CD2AP: variants seen among roughly 807,000 people sequenced by gnomAD.
CD2AP encodes the protein CD2 associated protein.
In CD2AP, 46 loss-of-function variants were observed where a neutral mutation model predicts 85.1. That is an observed-to-expected ratio of 0.54 (90% CI 0.43 to 0.69). The LOEUF is 0.69. CD2AP is among the 30% of genes least tolerant of loss of function. The pLI, the probability that CD2AP is intolerant of heterozygous loss-of-function variation, is 0.00. For missense variants in CD2AP, 769 were observed against 729.5 expected (o/e 1.05, Z -0.62); for synonymous variants, 255 against 252.9 (o/e 1.01, Z -0.08).
chr6:47,509,816 G>A (rs1034411009), intron 2 of CD2AP, among the ~76,000 whole-genome samples: 1 of 152,146 alleles, frequency 6.6e-6, no homozygotes, highest in Admixed American at 6.5e-5. Flanking sequence ...ACAGTAAGAT[G>A]GGCTCTAATA....
chr6:47,495,036 C>T (rs1218311133), intron 1 of CD2AP, among the ~76,000 whole-genome samples: 1 of 151,818 alleles, frequency 6.6e-6, no homozygotes, highest in Non-Finnish European at 1.5e-5. Flanking sequence ...GGTGGTGCAC[C>T]CCTATAGTCC....
Position 47,595,860 on chromosome 6 carries a change from G to T in CD2AP, c.1109-1G>T, listed in dbSNP as rs966480634. ...AACTTGTGAAATATTTTAAATCTTA[G>T]ATGAAAAATCAACACTGGAACAGAA... On this transcript the variant is annotated splice_acceptor_variant, in intron 11 of 17. Transcript: ENST00000359314. LOFTEE classifies it high-confidence loss of function. The T allele has an allele frequency of 1.2e-6, 2 of 1,610,238 alleles. No homozygotes were observed. The highest frequency in any genetic ancestry group is 1.7e-6 in the Non-Finnish European group (2 of 1,177,222).
At chr6:47,615,780 T>TTTATC (rs1323559146) in intron 17 of CD2AP, among the ~76,000 whole-genome samples, 4 of 96,058 alleles carry the variant, frequency 4.2e-5, no homozygotes, top group African/African-American at 1.3e-4. Flanking sequence ...AATTTTAATT[T>TTTATC]TAATTTAATT....
intron 3 of CD2AP, among the ~76,000 whole-genome samples, chr6:47,535,988 A>G (rs1767034307): frequency 1.3e-5 from 2 of 152,218 alleles, no homozygotes; most frequent in Admixed American, 1.3e-4. Context: ...TGCCTTTCGT[A>G]AGAACACTGG....
At position 47,557,762 on chromosome 6, in the gene CD2AP, G is replaced by T. The variant is rs1445378815; in HGVS notation, c.541+2996G>T. On this transcript the variant is annotated intron_variant, in intron 5 of 17. Coordinates refer to ENST00000359314, the MANE Select transcript of CD2AP (RefSeq NM_012120.3). ...ATAGTTTGAAGTCAGGTAGCATGAT[G>T]CCTCCAGCTTTGTTCTTTTTGCTTA... is the stretch of plus-strand genomic sequence containing the variant. Among the ~76,000 whole-genome samples the T allele has an allele frequency of 2.0e-5, 3 of 152,172 alleles. No homozygotes were observed. The East Asian group carries it at 5.8e-4, about 29-fold the overall frequency.
At chr6:47,623,453 C>T (rs865890248) in intron 17 of CD2AP, among the ~76,000 whole-genome samples, 3 of 152,136 alleles carry the variant, frequency 2.0e-5, no homozygotes, top group Non-Finnish European at 4.4e-5. Context: ...CATGACAAGT[C>T]CTGTGTCACT....
At chr6:47,564,656 A>G (rs184221375) in intron 5 of CD2AP, among the ~76,000 whole-genome samples, 29 of 152,088 alleles carry the variant, frequency 1.9e-4, no homozygotes, top group African/African-American at 6.7e-4. Flanking sequence ...CCAACTCTAA[A>G]TTTTAGGCAA....
intron 4 of CD2AP, among the ~76,000 whole-genome samples, chr6:47,553,513 A>ATTTTTTTTTTTTTTTTT (rs148273065): frequency 3.6e-5 from 4 of 110,516 alleles, no homozygotes; most frequent in African/African-American, 3.6e-5. Context: ...CACCTAGTGA[A>ATTTTTTTTTTTTTTTTT]TTTTTTTTTT....
rs114603141 is a variant in CD2AP, at chr6:47,528,542, A to G, written c.166-5060A>G. Among the ~76,000 whole-genome samples the G allele has an allele frequency of 7.9e-3, 1,200 of 152,262 alleles. 13 individuals carry two copies. The highest frequency in any genetic ancestry group is 0.027 in the African/African-American group (1,120 of 41,546). ...TATTTCTGGATTAGAGTGTTATACA[A>G]CTGTCTCATGCTTTGCTGTTTTTAC... On this transcript the variant is annotated intron_variant, in intron 2 of 17. Coordinates refer to ENST00000359314, the MANE Select transcript of CD2AP (RefSeq NM_012120.3).
At chr6:47,604,215 C>T (rs950033925) in intron 13 of CD2AP, among the ~76,000 whole-genome samples, 11 of 152,076 alleles carry the variant, frequency 7.2e-5, no homozygotes, top group African/African-American at 2.7e-4. Context: ...GCCACGTGTA[C>T]AGTGTAAATC....
At chr6:47,525,972 A>G (rs1582514689) in intron 2 of CD2AP, among the ~76,000 whole-genome samples, 1 of 152,060 alleles carries the variant, frequency 6.6e-6, no homozygotes, top group African/African-American at 2.4e-5. Context: ...CTTTTTTACT[A>G]CATCTCCTGA....
intron 13 of CD2AP, among the ~76,000 whole-genome samples, chr6:47,603,527 T>C (rs1769197295): frequency 6.6e-6 from 1 of 152,088 alleles, no homozygotes; most frequent in South Asian, 2.1e-4. Context: ...CTTTCTGGCT[T>C]AATGCATATT....
intron 17 of CD2AP, among the ~76,000 whole-genome samples, chr6:47,613,961 A>T (rs192707137): frequency 6.6e-6 from 1 of 152,308 alleles, no homozygotes; most frequent in East Asian, 1.9e-4. Flanking sequence ...CACATGAACC[A>T]GCCTCTGCTA....
Position 47,589,379 on chromosome 6 carries a change from T to TATACACACAC in CD2AP, c.1109-6481_1109-6480insTACACACACA, listed in dbSNP as rs144886557. Among the ~76,000 whole-genome samples the TATACACACAC allele has an allele frequency of 4.2e-4, 59 of 139,432 alleles. 1 individual carries two copies. In the South Asian group the frequency reaches 7.1e-3, roughly 17 times the overall value. 91.5% of individuals were successfully genotyped at this position (139,432 alleles called of 152,430 possible). A position where few individuals can be genotyped will look rare whatever the true frequency, so the allele number is the denominator to read the frequency against. On this transcript the variant is annotated intron_variant, in intron 11 of 17. Transcript: ENST00000359314. Reference sequence around the variant, plus strand: ...TTTGATGACCAGGAACTCTTGAATATACACACACACACACAAATGTATATA... The same window carrying TATACACACAC: ...TTTGATGACCAGGAACTCTTGAATATATACACACACACACACACACACACAAATGTATATA...
rs952183225 is a variant in CD2AP at position 47,625,752 on chromosome 6, A to G, written c.*1525A>G. ...TGAAATTTTGTCATGTTTCAAATAA[A>G]GAGAACTGAAGTAGAAAATAGAAAT... is the stretch of plus-strand genomic sequence containing the variant. On this transcript the variant is annotated 3_prime_UTR_variant, in exon 18 of 18. Transcript: ENST00000359314. The G allele has an allele frequency of 4.0e-5, 6 of 151,778 alleles. No homozygotes were observed. The highest frequency in any genetic ancestry group is 1.4e-4 in the African/African-American group (6 of 41,412). 9.4% of individuals were successfully genotyped at this position (151,778 alleles called of 1,614,324 possible). A position where few individuals can be genotyped will look rare whatever the true frequency, so the allele number is the denominator to read the frequency against.
intron 5 of CD2AP, among the ~76,000 whole-genome samples, chr6:47,566,224 C>CT (rs1037420760): frequency 4.9e-4 from 70 of 143,292 alleles, no homozygotes; most frequent in South Asian, 1.8e-3. Flanking sequence ...ATTCTCTTCT[C>CT]TTTTTTTTTT....
intron 3 of CD2AP, among the ~76,000 whole-genome samples, chr6:47,538,876 T>A (rs1216043154): frequency 6.6e-6 from 1 of 152,224 alleles, no homozygotes; most frequent in Non-Finnish European, 1.5e-5. Context: ...GATTTTCTGT[T>A]TTATTAGAAA....
chr6:47,540,874 C>G (rs1405617245), intron 3 of CD2AP, among the ~76,000 whole-genome samples: 1 of 152,162 alleles, frequency 6.6e-6, no homozygotes, highest in Non-Finnish European at 1.5e-5. Context: ...GATTGTTTGC[C>G]TCTTGTCTAT....
At chr6:47,522,472 G>T (rs2114008385) in intron 2 of CD2AP, among the ~76,000 whole-genome samples, 1 of 152,256 alleles carries the variant, frequency 6.6e-6, no homozygotes, top group African/African-American at 2.4e-5. Flanking sequence ...AAGTGGATAT[G>T]TTAACAGAAG....
Sources: gnomAD v4.1 joint callset for allele counts (sites outside exome capture counted in the v4.1 genomes callset) on GRCh38, gnomAD v4.1.1 for gene constraint, MANE v1.5 for transcripts, NCBI Gene and HGNC (gene_info 2026-07-23, HGNC 2026-07-21) for gene names.